The following SLC7A7 variants were observed in gnomAD, a reference collection of about 807,000 sequenced individuals.
SLC7A7 encodes Y+L amino acid transporter 1.
A neutral mutation model predicts 47.9 loss-of-function variants in SLC7A7; 39 were observed. The ratio of observed to expected loss-of-function variants is 0.81; its 90% CI spans 0.63 to 1.06. The LOEUF (loss-of-function observed/expected upper bound fraction) is 1.06, where lower values mean the gene tolerates loss of function less well. Ranked by LOEUF, SLC7A7 falls within the 50% of genes least tolerant of loss-of-function variation. The pLI, the probability that SLC7A7 is intolerant of heterozygous loss-of-function variation, is 0.00. For missense variants in SLC7A7, 588 were observed against 632.0 expected, an observed-to-expected ratio of 0.93 and a Z score of 0.75; for synonymous variants, 234 against 242.8, an observed-to-expected ratio of 0.96 and a Z score of 0.34.
chr14:22,777,153 A>AG (rs1370451672), intron 4 of SLC7A7, among the ~76,000 whole-genome samples: 1 of 151,190 alleles, frequency 6.6e-6, no homozygotes, highest in African/African-American at 2.4e-5. Flanking sequence ...AAAAAAAAAA[A>AG]AAAAAAAAAA....
rs145777568 is a variant in SLC7A7, at chr14:22,780,008, G to A, written c.543C>T (p.Thr181=). ...CATAGGTGAAAATATCTTGTACCAG[G>A]GTTCCCCATTTGACATAGGCACAGT... is the stretch of plus-strand genomic sequence containing the variant. The part of the protein sequence containing the change: ...FINCAYVKWG[T]LVQDIFTYAK... The change falls in exon 3 of 10, where the codon ACC becomes ACT. Residue 181 remains threonine (T), a synonymous_variant. Coordinates refer to ENST00000674313, the MANE Select transcript of SLC7A7 (RefSeq NM_003982.4). 1 of 1,613,920 alleles carries A rather than the reference G, an allele frequency of 6.2e-7. No homozygotes were observed. Among genetic ancestry groups the A allele is most frequent in the East Asian group, 2.2e-5 (1 of 44,874 alleles).
At chr14:22,787,749 C>T (rs760395183) in intron 2 of SLC7A7, among the ~76,000 whole-genome samples, 500 of 147,050 alleles carry the variant, frequency 3.4e-3, no homozygotes, top group Middle Eastern at 0.013. Flanking sequence ...GAGCAACACT[C>T]TGTCTCAAAA....
At position 22,778,826 on chromosome 14, in the gene SLC7A7, T is replaced by C. The variant is rs750130544; in HGVS notation, c.737A>G (p.Asn246Ser). 1.2e-5 allele frequency: 20 copies of C among 1,614,028 alleles called. No individual in the cohort carries two copies. The highest frequency in any genetic ancestry group is 4.0e-5 in the African/African-American group (3 of 74,890). The change falls in exon 4 of 10, where the codon AAC becomes AGC. Residue 246 changes from asparagine to serine, a missense_variant. Asn to Ser is a conservative substitution (Grantham distance 46). Coordinates refer to ENST00000674313, the MANE Select transcript of SLC7A7 (RefSeq NM_003982.4). The part of the protein sequence containing the change: ...LFSYSGWDTL[N>S]YVTEEIKNPE... ...ATTCTTGATCTCTTCAGTGACATAG[T>C]TGAGGGTGTCCCAGCCTGAGTAGGA...
chr14:22,790,290 A>T (rs1414179729), intron 2 of SLC7A7, among the ~76,000 whole-genome samples: 1 of 135,756 alleles, frequency 7.4e-6, no homozygotes, highest in Non-Finnish European at 1.5e-5. Flanking sequence ...TGATTGCACC[A>T]CTGCATTCCA....
intron 2 of SLC7A7, among the ~76,000 whole-genome samples, chr14:22,791,557 C>A (rs1402474294): frequency 2.6e-5 from 4 of 152,120 alleles, no homozygotes; most frequent in African/African-American, 9.7e-5. Flanking sequence ...AGAAAAACTG[C>A]ACATTTCTAG....
chr14:22,790,891 G>A (rs1433704533), intron 2 of SLC7A7, among the ~76,000 whole-genome samples: 3 of 151,778 alleles, frequency 2.0e-5, no homozygotes, highest in Non-Finnish European at 4.4e-5. Flanking sequence ...CCAGCTACTG[G>A]GGAGGCTGAG....
intron 2 of SLC7A7, among the ~76,000 whole-genome samples, chr14:22,782,094 TTTTA>T (rs1362038439): frequency 3.3e-5 from 5 of 152,092 alleles, no homozygotes; most frequent in East Asian, 1.9e-4. Context: ...TTATATTTTA[TTTTA>T]TTTATTTTTC....
intron 2 of SLC7A7, among the ~76,000 whole-genome samples, chr14:22,786,591 C>A (rs1423932065): frequency 1.3e-5 from 2 of 152,192 alleles, no homozygotes; most frequent in Non-Finnish European, 2.9e-5. Flanking sequence ...CCTTTCTTTC[C>A]CACCTCAAAG....
At chr14:22,805,159 A>G (rs1483726745) in intron 2 of SLC7A7, among the ~76,000 whole-genome samples, 2 of 148,924 alleles carry the variant, frequency 1.3e-5, no homozygotes, top group Non-Finnish European at 3.0e-5. Context: ...CAAGGTCAGG[A>G]GTTCAAGACC....
At chr14:22,810,415 T>TCACG (rs2039286685) in intron 2 of SLC7A7, among the ~76,000 whole-genome samples, 3 of 134,682 alleles carry the variant, frequency 2.2e-5, no homozygotes, top group Non-Finnish European at 4.6e-5. Flanking sequence ...TGAGCCAAGA[T>TCACG]CACGCCATTG....
chr14:22,799,252 C>T (rs2039068179), intron 2 of SLC7A7, among the ~76,000 whole-genome samples: 1 of 151,986 alleles, frequency 6.6e-6, no homozygotes, highest in African/African-American at 2.4e-5. Context: ...CAATTCACTC[C>T]CTTCCACTCA....
chr14:22,785,827 C>G (rs2038803393), intron 2 of SLC7A7, among the ~76,000 whole-genome samples: 1 of 151,416 alleles, frequency 6.6e-6, no homozygotes, highest in Non-Finnish European at 1.5e-5. Flanking sequence ...TCAAGACCAT[C>G]CTGGCTAACA....
Position 22,778,785 on chromosome 14 carries a change from G to A in SLC7A7, c.770+8C>T. 6.2e-7 allele frequency: 1 copy of A among 1,613,912 alleles called. No homozygotes were observed. The highest frequency in any genetic ancestry group is 2.2e-5 in the East Asian group (1 of 44,882). The stretch of plus-strand genomic sequence containing the variant: ...ACTGCTATGGAAAGTTGGTGGTGCA[G>A]TACCTACCTCTCAGGATTCTTGATC... On this transcript the variant is annotated splice_region_variant and intron_variant, in intron 4 of 9. Transcript: ENST00000674313.
In SLC7A7 at chr14:22,812,928, G is replaced by A. The variant is rs2138661685; in HGVS notation, c.471C>T (p.Ala157=). The A allele has an allele frequency of 6.2e-7, 1 of 1,613,758 alleles. No homozygotes were observed. The highest frequency in any genetic ancestry group is 8.5e-7 in the Non-Finnish European group (1 of 1,179,994). Residue 157 remains alanine, a synonymous_variant, in exon 2 of 10, where the codon GCC becomes GCT. Coordinates refer to ENST00000674313, the MANE Select transcript of SLC7A7 (RefSeq NM_003982.4). Reference sequence around the variant, plus strand: ...TGCAGGCAGCAGCCAGCAGGCGGCTGGCAGCATAAGGGGCGAAGCAGCTCG... The same window carrying A: ...TGCAGGCAGCAGCCAGCAGGCGGCTAGCAGCATAAGGGGCGAAGCAGCTCG... ...LFPSCFAPYA[A]SRLLAAACIC... is the part of the protein sequence containing the mutation.
intron 2 of SLC7A7, among the ~76,000 whole-genome samples, chr14:22,812,144 G>C (rs1025168169): frequency 2.0e-5 from 3 of 150,736 alleles, no homozygotes; most frequent in Non-Finnish European, 4.4e-5. Flanking sequence ...TTTTGTAAAA[G>C]AACAAAACTA....
At chr14:22,777,267 G>A (rs2038631849) in intron 4 of SLC7A7, among the ~76,000 whole-genome samples, 1 of 152,046 alleles carries the variant, frequency 6.6e-6, no homozygotes, top group South Asian at 2.1e-4. Flanking sequence ...TTGGTGTCAG[G>A]ATTCCATCTC....
intron 7 of SLC7A7, among the ~76,000 whole-genome samples, chr14:22,775,083 G>T (rs1232475734): frequency 2.4e-5 from 2 of 83,000 alleles, no homozygotes; most frequent in African/African-American, 6.5e-5. Flanking sequence ...ACACTTTGGT[G>T]GATTTTAAGA....
chr14:22,799,448 C>CTT (rs56375225), intron 2 of SLC7A7, among the ~76,000 whole-genome samples: 1,328 of 76,132 alleles, frequency 0.017, 34 homozygotes, highest in East Asian at 0.023. Flanking sequence ...TTTTTTCTTT[C>CTT]TTTTTTTTTT....
At chr14:22,803,155 C>T (rs1348812815) in intron 2 of SLC7A7, among the ~76,000 whole-genome samples, 2 of 152,116 alleles carry the variant, frequency 1.3e-5, no homozygotes, top group East Asian at 1.9e-4. Context: ...CACGGTGGCT[C>T]ATGCCTGTAA....
Sources: allele counts gnomAD v4.1 joint callset (sites outside exome capture counted in the v4.1 genomes callset), GRCh38; gene constraint gnomAD v4.1.1; transcripts MANE v1.5; gene names NCBI Gene and HGNC (gene_info 2026-07-23, HGNC 2026-07-21).